The following MAP3K3 variants were observed in gnomAD, a reference collection of about 807,000 sequenced individuals.
MAP3K3 encodes MAP/ERK kinase kinase 3.
A neutral mutation model predicts 80.9 loss-of-function variants in MAP3K3; 12 were observed. The ratio of observed to expected loss-of-function variants is 0.15; its 90% CI spans 0.10 to 0.24. The LOEUF is 0.24. Among genes scored for constraint, MAP3K3 ranks in the 10% least tolerant of loss-of-function variants. MAP3K3 has a pLI of 1.00. For synonymous variants in MAP3K3, 272 were observed against 307.1 expected (o/e 0.89, Z 1.19); for missense variants, 596 against 834.7 (o/e 0.71, Z 3.52).
chr17:63,689,455 T>A lies in MAP3K3; in HGVS notation c.872-89T>A. ...GACCTGGTTTGTATATTCCGCCTTGTAGCCCGGGGTGTCTCAGACCTGGTT... is the reference window on the plus strand; with the variant it reads ...GACCTGGTTTGTATATTCCGCCTTGAAGCCCGGGGTGTCTCAGACCTGGTT... On this transcript the variant is annotated intron_variant, in intron 10 of 15. Transcript: ENST00000361733. This position sits in a 1 kb window ranked among gnomAD's most constrained non-coding sequence, Gnocchi z 4.3. 8.6e-7 allele frequency: 1 copy of A among 1,165,224 alleles called. No individual in the cohort carries two copies. The highest frequency in any genetic ancestry group is 1.2e-6 in the Non-Finnish European group (1 of 824,716). The allele number at this position is 1,165,224 out of a possible 1,614,324, so 72.2% of individuals were successfully genotyped here. A position where few individuals can be genotyped will look rare whatever the true frequency, so the allele number is the denominator to read the frequency against.
chr17:63,683,072 G>T (rs2143568963), intron 7 of MAP3K3, among the ~76,000 whole-genome samples: 1 of 152,344 alleles, frequency 6.6e-6, no homozygotes, highest in Non-Finnish European at 1.5e-5. Context: ...TGATGTAAAA[G>T]AAAAGGCTGC....
At chr17:63,653,677 G>T (rs2034704632) in intron 4 of MAP3K3, among the ~76,000 whole-genome samples, 1 of 151,950 alleles carries the variant, frequency 6.6e-6, no homozygotes, top group African/African-American at 2.4e-5. Flanking sequence ...TCTTTTGTTT[G>T]CCCTTTAAAC....
intron 1 of MAP3K3, among the ~76,000 whole-genome samples, chr17:63,625,620 A>G (rs2034084720): frequency 6.6e-6 from 1 of 152,172 alleles, no homozygotes; most frequent in African/African-American, 2.4e-5. Context: ...CCCTGTTAGA[A>G]TAGTCTCAAT....
chr17:63,690,084 C>A, intron 11 of MAP3K3, 180 bp from the exon 12 acceptor site: 1 of 674,032 alleles, frequency 1.5e-6, no homozygotes, highest in Non-Finnish European at 2.5e-6. Flanking sequence ...AGGACTCTGA[C>A]TTCAGGTCCG....
intron 5 of MAP3K3, among the ~76,000 whole-genome samples, chr17:63,662,524 C>T (rs1308869469): frequency 1.3e-5 from 2 of 152,040 alleles, no homozygotes. Flanking sequence ...CTCCAGTCTA[C>T]ATCTGGGGAA....
chr17:63,662,650 ATTTTTTTT>A (rs1192833142), intron 5 of MAP3K3, among the ~76,000 whole-genome samples: 2 of 82,582 alleles, frequency 2.4e-5, no homozygotes, highest in South Asian at 4.1e-4. Flanking sequence ...AGAAGAGGGA[ATTTTTTTT>A]TTTTTTTTTT....
intron 11 of MAP3K3, chr17:63,690,002 C>T: frequency 1.7e-6 from 1 of 578,954 alleles, no homozygotes; most frequent in Non-Finnish European, 3.0e-6. Context: ...TATTTAGGGG[C>T]TTTGGAAGGA....
chr17:63,693,816 C>A lies in MAP3K3; in HGVS notation c.*39C>A. On this transcript the variant is annotated 3_prime_UTR_variant, in exon 16 of 16. Transcript: ENST00000361733. This position sits in a 1 kb window ranked among gnomAD's most constrained non-coding sequence, Gnocchi z 4.2. ...CACAGCTGCCGGTCGCCCTTTGCTG[C>A]ATGGCAGGGGGCTGCTGCTGGGCTC... The A allele has an allele frequency of 6.5e-7, 1 of 1,532,568 alleles. No individual in the cohort carries two copies. The highest frequency in any genetic ancestry group is 8.9e-7 in the Non-Finnish European group (1 of 1,119,232). 94.9% of individuals were successfully genotyped at this position (1,532,568 alleles called of 1,614,324 possible).
Position 63,657,877 on chromosome 17 carries a change from G to A in MAP3K3, c.351G>A (p.Arg117=). 2 of 1,604,788 alleles carry A rather than the reference G, an allele frequency of 1.2e-6. No individual in the cohort carries two copies. Among genetic ancestry groups the A allele is most frequent in the East Asian group, 4.5e-5 (2 of 44,624 alleles). The change falls in exon 5 of 16, where the codon AGG becomes AGA. Residue 117 remains arginine, a synonymous_variant. Coordinates refer to ENST00000361733, the MANE Select transcript of MAP3K3 (RefSeq NM_002401.5). ...GAAGCTCAAGCATGAAAAGCCTTAG[G>A]ATATTGCTGTTGTCCCAGGACAGAA... ...LDRSSSMKSL[R]ILLLSQDRNH... is the part of the protein sequence containing the mutation.
intron 6 of MAP3K3, chr17:63,672,798 G>C (rs2035138325): frequency 6.6e-6 from 1 of 152,296 alleles, no homozygotes; most frequent in Non-Finnish European, 1.5e-5. Flanking sequence ...AGGTTGGTAA[G>C]GACAGACCAA....
rs1285329927 is a variant in MAP3K3, at chr17:63,622,754, G to A, written c.-6G>A. ...GACCTTAGCCACCGCCGCCGCCATCGCCACCATGGGTAAGTGTCGCCACCG... is the reference window on the plus strand; with the variant it reads ...GACCTTAGCCACCGCCGCCGCCATCACCACCATGGGTAAGTGTCGCCACCG... On this transcript the variant is annotated 5_prime_UTR_variant, in exon 1 of 16. Coordinates refer to ENST00000361733, the MANE Select transcript of MAP3K3 (RefSeq NM_002401.5). 3.8e-6 allele frequency: 2 copies of A among 527,770 alleles called. No homozygotes were observed. Among genetic ancestry groups the A allele is most frequent in the South Asian group, 1.5e-5 (1 of 64,734 alleles). 32.7% of individuals were successfully genotyped at this position (527,770 alleles called of 1,614,324 possible).
At chr17:63,664,106 G>A (rs1353115879) in intron 5 of MAP3K3, among the ~76,000 whole-genome samples, 1 of 151,634 alleles carries the variant, frequency 6.6e-6, no homozygotes, top group African/African-American at 2.4e-5. Context: ...AAATAGCCGG[G>A]CGTGGTAGCG....
chr17:63,639,479 G>T (rs982945594), intron 2 of MAP3K3, among the ~76,000 whole-genome samples: 1 of 152,174 alleles, frequency 6.6e-6, no homozygotes, highest in Non-Finnish European at 1.5e-5. Flanking sequence ...AGAGAATTTA[G>T]ACTTTATTCC....
intron 10 of MAP3K3, 118 bp downstream of exon 10, chr17:63,688,999 C>T: frequency 1.4e-6 from 1 of 734,870 alleles, no homozygotes; most frequent in Admixed American, 2.3e-5. Flanking sequence ...GGATTTGTGG[C>T]CCAGACTTGA....
At position 63,657,821 on chromosome 17, in the gene MAP3K3, G is replaced by T; in HGVS notation, c.295G>T (p.Asp99Tyr). 6.2e-7 allele frequency: 1 copy of T among 1,600,060 alleles called. No homozygotes were observed. The highest frequency in any genetic ancestry group is 1.1e-5 in the South Asian group (1 of 89,710). The change falls in exon 5 of 16, where the codon GAT becomes TAT. Residue 99 changes from aspartate to tyrosine, a missense_variant. Coordinates refer to ENST00000361733, the MANE Select transcript of MAP3K3 (RefSeq NM_002401.5). ...ELSILLKNQD[D>Y]LDKAIDILDR... ...CTCCATCCTGCTGAAAAACCAAGAT[G>T]ATCTTGATAAAGCAATTGACATTTT...
chr17:63,685,379 T>C (rs1279226257), intron 7 of MAP3K3, 138 bp from the exon 8 acceptor site: 1 of 716,022 alleles, frequency 1.4e-6, no homozygotes, highest in African/African-American at 1.7e-5. Context: ...CTAACTATTC[T>C]TCCCATTGCA....
Position 63,681,917 on chromosome 17 carries a change from G to A in MAP3K3, c.636+18G>A. 5 of 1,372,448 alleles carry A rather than the reference G, an allele frequency of 3.6e-6. No homozygotes were observed. The highest frequency in any genetic ancestry group is 4.8e-6 in the Non-Finnish European group (5 of 1,048,656). The allele number at this position is 1,372,448 out of a possible 1,614,324, so 85.0% of individuals were successfully genotyped here. A position where few individuals can be genotyped will look rare whatever the true frequency, so the allele number is the denominator to read the frequency against. Reference sequence around the variant, plus strand: ...AGCAGTGCGTGAGTATAGGGGGGCTGGGATATGCCTGTGGCCTGTATCAGC... The same window carrying A: ...AGCAGTGCGTGAGTATAGGGGGGCTAGGATATGCCTGTGGCCTGTATCAGC... On this transcript the variant is annotated intron_variant, in intron 7 of 15. Transcript: ENST00000361733.
At chr17:63,636,759 T>G in intron 2 of MAP3K3, 2 of 313,432 alleles carry the variant, frequency 6.4e-6, no homozygotes, top group Non-Finnish European at 1.3e-5. Context: ...TCAGCGACAA[T>G]GAGGAGGAAG....
intron 3 of MAP3K3, among the ~76,000 whole-genome samples, chr17:63,648,589 G>T (rs1026292168): frequency 6.6e-6 from 1 of 152,178 alleles, no homozygotes; most frequent in Non-Finnish European, 1.5e-5. Flanking sequence ...ACTTTGGGAG[G>T]CTGAGGCGGG....
Sources: gnomAD v4.1 joint callset for allele counts (sites outside exome capture counted in the v4.1 genomes callset) on GRCh38, gnomAD v4.1.1 for gene constraint, Gnocchi (gnomAD v3.1) non-coding constraint, MANE v1.5 for transcripts, NCBI Gene and HGNC (gene_info 2026-07-23, HGNC 2026-07-21) for gene names.